MRPL22: variants seen among roughly 807,000 people sequenced by gnomAD.
The protein encoded by MRPL22 is mitochondrial ribosomal protein L22, also known as large ribosomal subunit protein uL22m.
MRPL22 carries 27 observed loss-of-function variants against 32.4 expected under a neutral mutation model. That is an observed-to-expected ratio of 0.83 (90% CI 0.61 to 1.15). MRPL22 has a LOEUF of 1.15. Among genes scored for constraint, MRPL22 ranks in the 50% most tolerant of loss-of-function variants. The probability of loss-of-function intolerance (pLI) is 0.00; values close to 1 mark genes in which losing one functional copy is unlikely to be tolerated. For missense variants in MRPL22, 239 were observed against 260.2 expected (o/e 0.92, Z 0.56); for synonymous variants, 86 against 87.3 (o/e 0.99, Z 0.08).
chr5:154,946,466 G>T (rs1764491865), intron 2 of MRPL22, among the ~76,000 whole-genome samples: 1 of 152,064 alleles, frequency 6.6e-6, no homozygotes, highest in Admixed American at 6.6e-5. Context: ...GGGGGCTGGG[G>T]ACAGGAGAGA....
chr5:154,967,096 G>A lies in MRPL22; in HGVS notation c.*199G>A. ...GCATATTTGTATGCATTTGCGACTT[G>A]GAAGGGGAAATCAGCTTTAAACATA... On this transcript the variant is annotated 3_prime_UTR_variant, in exon 7 of 7. Coordinates refer to ENST00000523037, the MANE Select transcript of MRPL22 (RefSeq NM_014180.4). This position sits in a 1 kb window ranked among gnomAD's most constrained non-coding sequence, Gnocchi z 4.7. The A allele has an allele frequency of 1.6e-6, 1 of 623,498 alleles. No individual in the cohort carries two copies. The highest frequency in any genetic ancestry group is 2.9e-5 in the East Asian group (1 of 34,744). The allele number at this position is 623,498 out of a possible 1,614,324, so 38.6% of individuals were successfully genotyped here.
rs184446302 is a variant in MRPL22 at position 154,943,638 on chromosome 5, A to G, written c.77+2373A>G. 2.6e-3 allele frequency among the ~76,000 whole-genome samples: 393 copies of G among 149,918 alleles called. 1 individual carries two copies. The highest frequency in any genetic ancestry group is 3.8e-3 in the Non-Finnish European group (258 of 67,774). On this transcript the variant is annotated intron_variant, in intron 2 of 6. Transcript: ENST00000523037. ...CATATATATACATATATACACATACATACATGTATATACACACACATATAT... is the reference window on the plus strand; with the variant it reads ...CATATATATACATATATACACATACGTACATGTATATACACACACATATAT...
intron 6 of MRPL22, among the ~76,000 whole-genome samples, chr5:154,960,487 C>T (rs1017048920): frequency 2.0e-5 from 3 of 152,114 alleles, no homozygotes; most frequent in Admixed American, 2.0e-4. Context: ...GTAATTTAAC[C>T]TTACAGTTAT....
intron 2 of MRPL22, among the ~76,000 whole-genome samples, chr5:154,945,455 G>A (rs945798475): frequency 1.3e-5 from 2 of 152,200 alleles, no homozygotes; most frequent in Non-Finnish European, 2.9e-5. Flanking sequence ...CATCCAAGTA[G>A]AGATACGAGT....
intron 3 of MRPL22, among the ~76,000 whole-genome samples, chr5:154,952,400 G>T (rs764323041): frequency 1.6e-4 from 25 of 152,114 alleles, no homozygotes; most frequent in Non-Finnish European, 2.5e-4. Context: ...GTAATTTGTT[G>T]TGTGTTATAT....
chr5:154,941,410 C>A, intron 2 of MRPL22, 145 bp downstream of exon 2: 1 of 1,030,790 alleles, frequency 9.7e-7, no homozygotes. Context: ...TCTGCTTTGT[C>A]ACTCTATTTT....
intron 5 of MRPL22, among the ~76,000 whole-genome samples, chr5:154,958,388 G>A (rs1764658820): frequency 6.6e-6 from 1 of 151,982 alleles, no homozygotes; most frequent in Non-Finnish European, 1.5e-5. Context: ...GATAGATTCA[G>A]ACTTCTAAAG....
Position 154,941,248 on chromosome 5 carries a change from G to C in MRPL22, c.60G>C (p.Arg20=). ...GALWIHNLRS[R]GKLALGVLPQ... is the part of the protein sequence containing the mutation. ...TATGGATACATAACCTGAGGAGCCG[G>C]GGGAAGCTGGCCTTGGGGTGAGTCT... Residue 20 remains arginine (R), a synonymous_variant, in exon 2 of 7, where the codon CGG becomes CGC. Coordinates refer to ENST00000523037, the MANE Select transcript of MRPL22 (RefSeq NM_014180.4). The C allele has an allele frequency of 6.2e-7, 1 of 1,613,380 alleles. No individual in the cohort carries two copies. The highest frequency in any genetic ancestry group is 1.1e-5 in the South Asian group (1 of 91,046).
In MRPL22 at chr5:154,966,717, G is replaced by A. The variant is rs1466758197; in HGVS notation, c.441G>A (p.Leu147=). ...CCACCTCAGGACGAGGCCAGTGCCT[G>A]AAACGCATCCGCTACCATGGCAGAG... The part of the protein sequence containing the change: ...AESTSGRGQC[L]KRIRYHGRGR... Residue 147 remains leucine, a synonymous_variant, in exon 7 of 7, where the codon CTG becomes CTA. Transcript: ENST00000523037. 1 of 1,614,120 alleles carries A rather than the reference G, an allele frequency of 6.2e-7. No homozygotes were observed. Among genetic ancestry groups the A allele is most frequent in the Admixed American group, 1.7e-5 (1 of 60,030 alleles).
chr5:154,966,944 C>T lies in MRPL22; in HGVS notation c.*47C>T. ...GTGTATATATTTTGCCATTTATTTT[C>T]TAAAAATAAACAAAAATTGAAGGCA... is the stretch of plus-strand genomic sequence containing the variant. On this transcript the variant is annotated 3_prime_UTR_variant, in exon 7 of 7. Transcript: ENST00000523037. The T allele has an allele frequency of 6.6e-7, 1 of 1,513,010 alleles. No homozygotes were observed. Among genetic ancestry groups the T allele is most frequent in the Non-Finnish European group, 8.9e-7 (1 of 1,124,278 alleles). The allele number at this position is 1,513,010 out of a possible 1,614,324, so 93.7% of individuals were successfully genotyped here.
In MRPL22 at chr5:154,950,818, C is replaced by T. The variant is rs181010677; in HGVS notation, c.78-3C>T. The T allele has an allele frequency of 1.3e-6, 2 of 1,582,616 alleles. No homozygotes were observed. Among genetic ancestry groups the T allele is most frequent in the East Asian group, 2.2e-5 (1 of 44,726 alleles). The stretch of plus-strand genomic sequence containing the variant: ...TGTTTTATAGGCTTCTTTCATTTCA[C>T]AGTGTTTTACCTCAATCATATATCC... On this transcript the variant is annotated splice_region_variant and splice_polypyrimidine_tract_variant and intron_variant, in intron 2 of 6. Coordinates refer to ENST00000523037, the MANE Select transcript of MRPL22 (RefSeq NM_014180.4).
At chr5:154,941,954 A>G (rs1196581274) in intron 2 of MRPL22, among the ~76,000 whole-genome samples, 1 of 152,228 alleles carries the variant, frequency 6.6e-6, no homozygotes, top group Non-Finnish European at 1.5e-5. Flanking sequence ...ATTTTGGTTT[A>G]GTTCATAGGC....
intron 3 of MRPL22, among the ~76,000 whole-genome samples, chr5:154,952,381 A>G (rs1259511822): frequency 6.6e-6 from 1 of 152,246 alleles, no homozygotes; most frequent in Admixed American, 6.5e-5. Flanking sequence ...GATGAACACT[A>G]TCAATACAGT....
intron 3 of MRPL22, 148 bp downstream of exon 3, chr5:154,951,086 T>C (rs1343678188): frequency 4.8e-6 from 3 of 624,014 alleles, no homozygotes; most frequent in Non-Finnish European, 2.8e-6. Flanking sequence ...ATCTCTTCAA[T>C]AGTTGAAAAA....
At chr5:154,948,272 TATCTC>T (rs1193258148) in intron 2 of MRPL22, among the ~76,000 whole-genome samples, 2 of 152,228 alleles carry the variant, frequency 1.3e-5, no homozygotes, top group African/African-American at 4.8e-5. Flanking sequence ...ATTTTACTAT[TATCTC>T]ATTAAAAAGC....
rs909359193 is a variant in MRPL22, at chr5:154,954,429, G to A, written c.196-1942G>A. Among the ~76,000 whole-genome samples, 5 of 151,968 alleles carry A rather than the reference G, an allele frequency of 3.3e-5. No individual in the cohort carries two copies. In the South Asian group the frequency reaches 8.3e-4, roughly 25 times the overall value. ...TATTTCATTTGAATAACTATTTTAC[G>A]TATCCTATCCTCACTTTATCTAATT... On this transcript the variant is annotated intron_variant, in intron 3 of 6. Transcript: ENST00000523037.
At chr5:154,951,697 C>T (rs1764563933) in intron 3 of MRPL22, among the ~76,000 whole-genome samples, 1 of 151,660 alleles carries the variant, frequency 6.6e-6, no homozygotes, top group African/African-American at 2.4e-5. Flanking sequence ...CCACGATGAC[C>T]AGCTAATTTT....
chr5:154,961,573 AAG>A (rs1168069887), intron 6 of MRPL22, among the ~76,000 whole-genome samples: 5 of 152,228 alleles, frequency 3.3e-5, no homozygotes, highest in African/African-American at 1.2e-4. Context: ...AATTATAGTA[AAG>A]AGAGATAGGA....
At chr5:154,958,575 C>T (rs911958571) in intron 5 of MRPL22, among the ~76,000 whole-genome samples, 4 of 134,400 alleles carry the variant, frequency 3.0e-5, no homozygotes, top group African/African-American at 8.2e-5. Context: ...GATGGAGCCT[C>T]GCCCTGTCGC....
Sources: allele counts gnomAD v4.1 joint callset (sites outside exome capture counted in the v4.1 genomes callset), GRCh38; gene constraint gnomAD v4.1.1; non-coding constraint Gnocchi (gnomAD v3.1); transcripts MANE v1.5; gene names NCBI Gene and HGNC (gene_info 2026-07-23, HGNC 2026-07-21).